The following SLIT2 variants were observed in gnomAD, a reference collection of about 807,000 sequenced individuals.
The protein encoded by SLIT2 is slit homolog 2 protein.
A neutral mutation model predicts 185.7 loss-of-function variants in SLIT2; 41 were observed. The ratio of observed to expected loss-of-function variants is 0.22; its 90% CI spans 0.17 to 0.29. The LOEUF (loss-of-function observed/expected upper bound fraction) is 0.29, where lower values mean the gene tolerates loss of function less well. Ranked by LOEUF, SLIT2 falls within the 10% of genes least tolerant of loss-of-function variation. SLIT2 has a pLI of 1.00. For missense variants in SLIT2, 1,571 were observed against 1,909.0 expected (o/e 0.82, Z 3.30); for synonymous variants, 693 against 680.2 (o/e 1.02, Z -0.29).
intron 4 of SLIT2, among the ~76,000 whole-genome samples, chr4:20,412,437 A>AT (rs1403384465): frequency 6.6e-6 from 1 of 152,116 alleles, no homozygotes; most frequent in East Asian, 1.9e-4. Context: ...TGCATATTTT[A>AT]TTTTTATCCT....
At chr4:20,352,322 T>C (rs889326473) in intron 4 of SLIT2, among the ~76,000 whole-genome samples, 4 of 151,970 alleles carry the variant, frequency 2.6e-5, no homozygotes, top group African/African-American at 7.2e-5. Flanking sequence ...ATAACAGATA[T>C]AGTTTGTGCA....
intron 9 of SLIT2, among the ~76,000 whole-genome samples, chr4:20,498,401 T>A (rs1024211846): frequency 3.3e-5 from 5 of 152,190 alleles, no homozygotes; most frequent in African/African-American, 9.7e-5. Flanking sequence ...CTGTACATGA[T>A]CTGGTCTATG....
At position 20,524,307 on chromosome 4, in the gene SLIT2, TAATAA is replaced by T. The variant is rs1240950585; in HGVS notation, c.1438+137_1438+141del. 1.9e-5 allele frequency: 15 copies of T among 786,242 alleles called. No individual in the cohort carries two copies. The African/African-American group carries it at 2.3e-4, about 12-fold the overall frequency. The allele number at this position is 786,242 out of a possible 1,614,324, so 48.7% of individuals were successfully genotyped here. On this transcript the variant is annotated intron_variant, in intron 14 of 36. Coordinates refer to ENST00000504154, the MANE Select transcript of SLIT2 (RefSeq NM_004787.4). ...TATTTCTTTTTCTTCTGCCCATGAATAATAAAATAAAGAGGACTGTAGACCCAATT... is the reference window on the plus strand; with the variant it reads ...TATTTCTTTTTCTTCTGCCCATGAATAATAAAGAGGACTGTAGACCCAATT...
chr4:20,425,664 AC>A (rs1728505734), intron 4 of SLIT2, among the ~76,000 whole-genome samples: 1 of 152,274 alleles, frequency 6.6e-6, no homozygotes, highest in East Asian at 1.9e-4. Context: ...GGGAAAAGCC[AC>A]TCTTAATACA....
chr4:20,319,819 A>C (rs1362157013), intron 4 of SLIT2, among the ~76,000 whole-genome samples: 6 of 152,018 alleles, frequency 3.9e-5, no homozygotes, highest in Admixed American at 1.3e-4. Flanking sequence ...AACAAAAAAA[A>C]AACAAAAACC....
At position 20,562,666 on chromosome 4, in the gene SLIT2, A is replaced by G. The variant is rs918338523; in HGVS notation, c.2726-4596A>G. On this transcript the variant is annotated intron_variant, in intron 26 of 36. Coordinates refer to ENST00000504154, the MANE Select transcript of SLIT2 (RefSeq NM_004787.4). Reference sequence around the variant, plus strand: ...TCAGTAAATATTTGATAAATTAATGATGGAATGTTGTTAACAAATATGCAT... The same window carrying G: ...TCAGTAAATATTTGATAAATTAATGGTGGAATGTTGTTAACAAATATGCAT... Among the ~76,000 whole-genome samples, 10 of 151,978 alleles carry G rather than the reference A, an allele frequency of 6.6e-5. No homozygotes were observed. In the East Asian group the frequency reaches 1.5e-3, roughly 23 times the overall value.
At chr4:20,306,218 TC>T (rs1717536025) in intron 4 of SLIT2, among the ~76,000 whole-genome samples, 2 of 152,184 alleles carry the variant, frequency 1.3e-5, no homozygotes, top group Admixed American at 6.5e-5. Context: ...AGGGGACTGG[TC>T]AGTGGAGAAG....
chr4:20,472,511 G>GATATATCTATATATATAT (rs1218618638), intron 5 of SLIT2, among the ~76,000 whole-genome samples: 1 of 6,712 alleles, frequency 1.5e-4, no homozygotes, highest in Non-Finnish European at 2.3e-4. Flanking sequence ...TCTATATATA[G>GATATATCTATATATATAT]ATAGATATAT....
intron 4 of SLIT2, among the ~76,000 whole-genome samples, chr4:20,320,564 G>A (rs1176928472): frequency 2.0e-5 from 3 of 151,888 alleles, no homozygotes; most frequent in Admixed American, 1.3e-4. Flanking sequence ...TCATGTTCTC[G>A]TCACTGAATC....
In SLIT2 at chr4:20,547,732, A is replaced by T. The variant is rs183698037; in HGVS notation, c.2346-756A>T. On this transcript the variant is annotated intron_variant, in intron 22 of 36. Transcript: ENST00000504154. ...ATATATTTTAATATATTTTTTACAT[A>T]TATAGTGTGTGTATATATACACTAT... Among the ~76,000 whole-genome samples the T allele has an allele frequency of 3.9e-3, 592 of 150,658 alleles. 5 individuals carry two copies. Among genetic ancestry groups the T allele is most frequent in the Non-Finnish European group, 6.4e-3 (430 of 67,698 alleles).
chr4:20,274,253 ATTAC>A (rs1713941219), intron 4 of SLIT2, among the ~76,000 whole-genome samples: 3 of 152,178 alleles, frequency 2.0e-5, no homozygotes, highest in Admixed American at 1.3e-4. Flanking sequence ...TAACTTTTTA[ATTAC>A]TTATTGGGCC....
intron 4 of SLIT2, among the ~76,000 whole-genome samples, chr4:20,275,543 C>A (rs1003522554): frequency 1.5e-4 from 23 of 152,166 alleles, no homozygotes; most frequent in African/African-American, 5.3e-4. Flanking sequence ...CAGCAAAGTT[C>A]CTGATACTAT....
chr4:20,532,815 A>G (rs560299222), intron 17 of SLIT2, among the ~76,000 whole-genome samples: 1 of 152,218 alleles, frequency 6.6e-6, no homozygotes, highest in Admixed American at 6.5e-5. Flanking sequence ...CTCCTTTTTC[A>G]CTGTTATGAA....
chr4:20,452,001 T>C (rs1028669505), intron 4 of SLIT2, among the ~76,000 whole-genome samples: 2 of 152,190 alleles, frequency 1.3e-5, no homozygotes, highest in African/African-American at 4.8e-5. Flanking sequence ...TAAAAGTAAA[T>C]TTTGTCTCAT....
At chr4:20,556,387 C>G (rs1724255313) in intron 26 of SLIT2, among the ~76,000 whole-genome samples, 1 of 152,034 alleles carries the variant, frequency 6.6e-6, no homozygotes, top group South Asian at 2.1e-4. Context: ...CAGCGATACT[C>G]ATACTTTATT....
chr4:20,274,240 AG>A (rs1324635746), intron 4 of SLIT2, among the ~76,000 whole-genome samples: 2 of 152,202 alleles, frequency 1.3e-5, no homozygotes, highest in Non-Finnish European at 2.9e-5. Context: ...TTCATTACTA[AG>A]GTAACTTTTT....
At chr4:20,298,247 C>T (rs1233050899) in intron 4 of SLIT2, among the ~76,000 whole-genome samples, 3 of 151,962 alleles carry the variant, frequency 2.0e-5, no homozygotes, top group Non-Finnish European at 2.9e-5. Flanking sequence ...TGCCACCATG[C>T]CCGGCTAATT....
At chr4:20,469,437 G>A (rs984112020) in intron 5 of SLIT2, among the ~76,000 whole-genome samples, 2 of 152,092 alleles carry the variant, frequency 1.3e-5, no homozygotes. Flanking sequence ...AGTCATGATA[G>A]AATTCTTCTT....
At chr4:20,314,082 G>T (rs372908281) in intron 4 of SLIT2, among the ~76,000 whole-genome samples, 12 of 152,042 alleles carry the variant, frequency 7.9e-5, no homozygotes, top group African/African-American at 2.9e-4. Context: ...GCATTTTTCT[G>T]CCAACCCCAT....
Sources: gnomAD v4.1 joint callset for allele counts (sites outside exome capture counted in the v4.1 genomes callset) on GRCh38, gnomAD v4.1.1 for gene constraint, MANE v1.5 for transcripts, NCBI Gene and HGNC (gene_info 2026-07-23, HGNC 2026-07-21) for gene names.